BTG4: variants seen among roughly 807,000 people sequenced by gnomAD.
BTG4 encodes protein BTG4.
In BTG4, 10 loss-of-function variants were observed where a neutral mutation model predicts 19.3. The observed-to-expected ratio is 0.52, with a 90% CI of 0.32 to 0.88. The LOEUF (loss-of-function observed/expected upper bound fraction) is 0.88. Among genes scored for constraint, BTG4 ranks in the 40% least tolerant of loss-of-function variants. The pLI, the probability that BTG4 is intolerant of heterozygous loss-of-function variation, is 0.04. For synonymous variants in BTG4, 91 were observed against 95.7 expected (o/e 0.95, Z 0.29); for missense variants, 238 against 281.9 (o/e 0.84, Z 1.11).
intron 5 of BTG4, among the ~76,000 whole-genome samples, chr11:111,471,549 C>T (rs76229109): frequency 0.019 from 2,924 of 152,090 alleles, 85 homozygotes; most frequent in African/African-American, 0.067. Flanking sequence ...CTGATTGTTC[C>T]TTCTCAGTCT....
At chr11:111,508,149 A>G (rs985083439) in intron 1 of BTG4, among the ~76,000 whole-genome samples, 1 of 152,188 alleles carries the variant, frequency 6.6e-6, no homozygotes, top group African/African-American at 2.4e-5. Context: ...ACCAGTTATC[A>G]ACCAAGTCAT....
At chr11:111,407,657 C>T in the BTG4 span, among the ~76,000 whole-genome samples, 21 of 152,232 alleles carry the variant, frequency 1.4e-4, no homozygotes, top group African/African-American at 4.6e-4. Flanking sequence ...GGGGACAGAG[C>T]GAGACTCCAT....
At chr11:111,453,571 G>A in the BTG4 span, 1 of 454,608 alleles carries the variant, frequency 2.2e-6, no homozygotes. Context: ...CCCCAGGGTT[G>A]AGGGGGGTCC....
chr11:111,414,274 C>A, the BTG4 span: 1 of 152,218 alleles, frequency 6.6e-6, no homozygotes, highest in Non-Finnish European at 1.5e-5. Flanking sequence ...TGATGGATCA[C>A]CTCTTCTAGA....
At chr11:111,393,924 A>C in the BTG4 span, among the ~76,000 whole-genome samples, 2 of 152,378 alleles carry the variant, frequency 1.3e-5, no homozygotes, top group Non-Finnish European at 1.5e-5. Flanking sequence ...TCTGGGTTCA[A>C]ATCTCAGGTC....
chr11:111,418,140 A>G, the BTG4 span: 14 of 152,284 alleles, frequency 9.2e-5, no homozygotes, highest in African/African-American at 3.4e-4. Flanking sequence ...GATTTTGCAT[A>G]TCATAAAACC....
At chr11:111,426,207 T>A in the BTG4 span, among the ~76,000 whole-genome samples, 1 of 151,354 alleles carries the variant, frequency 6.6e-6, no homozygotes, top group Non-Finnish European at 1.5e-5. Flanking sequence ...AAGTGGGTGG[T>A]CCAGCCAGAG....
At chr11:111,422,760 C>A in the BTG4 span, among the ~76,000 whole-genome samples, 1 of 152,152 alleles carries the variant, frequency 6.6e-6, no homozygotes, top group Non-Finnish European at 1.5e-5. Context: ...AGAATGGACA[C>A]GAGACACCCA....
chr11:111,487,064 A>C (rs1037204514), intron 5 of BTG4, among the ~76,000 whole-genome samples: 1 of 152,136 alleles, frequency 6.6e-6, no homozygotes, highest in African/African-American at 2.4e-5. Context: ...ATGAGTGAGA[A>C]CATGCAGTGC....
the BTG4 span, among the ~76,000 whole-genome samples, chr11:111,395,967 A>T: frequency 1.3e-5 from 2 of 152,172 alleles, no homozygotes; most frequent in African/African-American, 4.8e-5. Flanking sequence ...GCCGCCCCGG[A>T]GGCATGCCTG....
chr11:111,448,403 G>GGAAGC, the BTG4 span: 2 of 152,682 alleles, frequency 1.3e-5, no homozygotes, highest in African/African-American at 2.4e-5. Context: ...CACCGCTCCT[G>GGAAGC]GAAGCTAAGT....
the BTG4 span, among the ~76,000 whole-genome samples, chr11:111,409,452 G>C: frequency 6.6e-6 from 1 of 152,158 alleles, no homozygotes; most frequent in Admixed American, 6.5e-5. Context: ...GTTCCCATGA[G>C]AGTGGGTTCT....
At chr11:111,472,808 T>C (rs1042431185) in intron 5 of BTG4, among the ~76,000 whole-genome samples, 1 of 152,226 alleles carries the variant, frequency 6.6e-6, no homozygotes, top group African/African-American at 2.4e-5. Flanking sequence ...ATGTAGGCCA[T>C]GTGCCAGGCT....
At chr11:111,455,534 G>T in the BTG4 span, 1 of 245,380 alleles carries the variant, frequency 4.1e-6, no homozygotes, top group Admixed American at 4.5e-5. Context: ...CTTTCTGCTC[G>T]ACGCTGAGGG....
the BTG4 span, among the ~76,000 whole-genome samples, chr11:111,396,379 G>C: frequency 1.3e-5 from 2 of 152,146 alleles, no homozygotes; most frequent in African/African-American, 2.4e-5. Context: ...CCTCTCCCAA[G>C]TCAGCCCCAT....
chr11:111,437,521 T>C, the BTG4 span, among the ~76,000 whole-genome samples: 46 of 152,290 alleles, frequency 3.0e-4, no homozygotes, highest in African/African-American at 9.9e-4. Flanking sequence ...AGAGCTGTGC[T>C]CAACTTGAGG....
At chr11:111,513,681 G>A (rs1202964096), upstream of BTG4, among the ~76,000 whole-genome samples, 2 of 151,980 alleles carry the variant, frequency 1.3e-5, no homozygotes, top group Non-Finnish European at 2.9e-5. Context: ...TATGTATGTG[G>A]GGTTTTGTTT....
At chr11:111,410,392 C>T in the BTG4 span, among the ~76,000 whole-genome samples, 1 of 152,126 alleles carries the variant, frequency 6.6e-6, no homozygotes, top group Non-Finnish European at 1.5e-5. Flanking sequence ...AGAATCCAAC[C>T]CATGAGCCCT....
the BTG4 span, among the ~76,000 whole-genome samples, chr11:111,458,594 A>G: frequency 6.6e-6 from 1 of 152,134 alleles, no homozygotes; most frequent in Non-Finnish European, 1.5e-5. Flanking sequence ...TCTAGCTGCA[A>G]AGCCTGAATC....
Sources: allele counts gnomAD v4.1 joint callset (sites outside exome capture counted in the v4.1 genomes callset), GRCh38; gene constraint gnomAD v4.1.1; transcripts MANE v1.5; gene names NCBI Gene and HGNC (gene_info 2026-07-23, HGNC 2026-07-21).